The following PPM1E variants were observed in gnomAD, a reference collection of about 807,000 sequenced individuals.
PPM1E encodes the protein protein phosphatase 1E.
Under a neutral mutation model 65.9 loss-of-function variants are expected in PPM1E, and 20 were observed. That is an observed-to-expected ratio of 0.30 (90% CI 0.21 to 0.44). PPM1E has a LOEUF of 0.44. Among genes scored for constraint, PPM1E ranks in the 20% least tolerant of loss-of-function variants. PPM1E has a pLI of 1.00. For synonymous variants in PPM1E, 352 were observed against 374.9 expected (o/e 0.94, Z 0.70); for missense variants, 713 against 953.1 (o/e 0.75, Z 3.32).
In PPM1E at chr17:58,981,555, A is replaced by G. The variant is rs2031356212; in HGVS notation, c.*524A>G. ...GGGTAGGTAAAAGACTAAAAGCCAT[A>G]TGGATTTTAACTGATAACAATGAAA... is the stretch of plus-strand genomic sequence containing the variant. On this transcript the variant is annotated 3_prime_UTR_variant, in exon 7 of 7. Transcript: ENST00000308249. 6.5e-6 allele frequency: 1 copy of G among 152,794 alleles called. No homozygotes were observed. Among genetic ancestry groups the G allele is most frequent in the African/African-American group, 2.4e-5 (1 of 41,454 alleles). 9.5% of individuals were successfully genotyped at this position (152,794 alleles called of 1,614,324 possible).
At chr17:58,899,035 C>T (rs1335603434) in intron 1 of PPM1E, among the ~76,000 whole-genome samples, 1 of 151,822 alleles carries the variant, frequency 6.6e-6, no homozygotes, top group Non-Finnish European at 1.5e-5. Flanking sequence ...GGAGGGATAG[C>T]ATTAGGAGAA....
At chr17:58,907,654 C>T (rs551717580) in intron 1 of PPM1E, among the ~76,000 whole-genome samples, 4 of 152,204 alleles carry the variant, frequency 2.6e-5, no homozygotes, top group East Asian at 3.9e-4. Context: ...TTTTGCCTCA[C>T]GTATTTTGAT....
chr17:58,883,317 TTTTG>T (rs1467049476), intron 1 of PPM1E, among the ~76,000 whole-genome samples: 2 of 151,974 alleles, frequency 1.3e-5, no homozygotes, highest in African/African-American at 4.8e-5. Context: ...TTTTTAAAAG[TTTTG>T]TTTGTTACAG....
At chr17:58,965,496 G>T (rs543849970) in intron 2 of PPM1E, among the ~76,000 whole-genome samples, 198 bp from the exon 3 acceptor site, 6 of 152,264 alleles carry the variant, frequency 3.9e-5, no homozygotes, top group African/African-American at 1.4e-4. Context: ...AGTGGCAGCT[G>T]CAGGCTGATG....
intron 1 of PPM1E, among the ~76,000 whole-genome samples, chr17:58,781,569 A>G (rs2050049985): frequency 6.6e-6 from 1 of 152,106 alleles, no homozygotes. Context: ...ATATATTTGT[A>G]TGAGAAGTCT....
intron 1 of PPM1E, among the ~76,000 whole-genome samples, chr17:58,854,892 C>G (rs2050865904): frequency 1.3e-5 from 2 of 152,100 alleles, no homozygotes; most frequent in Non-Finnish European, 1.5e-5. Context: ...AACTGCTGCT[C>G]CCAAAATTGG....
intron 1 of PPM1E, among the ~76,000 whole-genome samples, chr17:58,880,387 A>T (rs2051181135): frequency 6.6e-6 from 1 of 152,158 alleles, no homozygotes; most frequent in Admixed American, 6.6e-5. Flanking sequence ...TGTTTTCTTG[A>T]AAGGATTAGG....
In PPM1E at chr17:58,814,343, A is replaced by G. The variant is rs371656012; in HGVS notation, c.464+57882A>G. Reference sequence around the variant, plus strand: ...CATAAGGTCAAACTATCAGTGTTTAATATTTACTCTGTAATAATTAACATT... The same window carrying G: ...CATAAGGTCAAACTATCAGTGTTTAGTATTTACTCTGTAATAATTAACATT... On this transcript the variant is annotated intron_variant, in intron 1 of 6. Transcript: ENST00000308249. Among the ~76,000 whole-genome samples, 4 of 152,296 alleles carry G rather than the reference A, an allele frequency of 2.6e-5. No homozygotes were observed. In the East Asian group the frequency reaches 7.7e-4, roughly 29 times the overall value.
rs567477910 is a variant in PPM1E at position 58,936,845 on chromosome 17, A to T, written c.465-18804A>T. Reference sequence around the variant, plus strand: ...GTTTTTATTCAGTAATAATCTATTTATCTGTTGTGGTTCCTGCTTTATAAC... The same window carrying T: ...GTTTTTATTCAGTAATAATCTATTTTTCTGTTGTGGTTCCTGCTTTATAAC... On this transcript the variant is annotated intron_variant, in intron 1 of 6. Transcript: ENST00000308249. Among the ~76,000 whole-genome samples, 219 of 152,340 alleles carry T rather than the reference A, an allele frequency of 1.4e-3. 1 individual carries two copies. The highest frequency in any genetic ancestry group is 5.1e-3 in the African/African-American group (213 of 41,572).
intron 1 of PPM1E, among the ~76,000 whole-genome samples, chr17:58,931,078 AAAAAAAAAG>A (rs1193451378): frequency 7.0e-6 from 1 of 142,744 alleles, no homozygotes; most frequent in Non-Finnish European, 1.5e-5. Context: ...AAAAAAAAAA[AAAAAAAAAG>A]AAAGAAAGAA....
At chr17:58,868,339 AC>A (rs2051028883) in intron 1 of PPM1E, among the ~76,000 whole-genome samples, 1 of 151,962 alleles carries the variant, frequency 6.6e-6, no homozygotes, top group South Asian at 2.1e-4. Flanking sequence ...AAAAACAAAA[AC>A]AACGTAGGCC....
At chr17:58,825,060 A>G (rs975852811) in intron 1 of PPM1E, among the ~76,000 whole-genome samples, 2 of 151,978 alleles carry the variant, frequency 1.3e-5, no homozygotes, top group African/African-American at 4.8e-5. Flanking sequence ...AAGACTACAA[A>G]TATGGAGCAG....
intron 6 of PPM1E, among the ~76,000 whole-genome samples, chr17:58,976,461 A>ACT (rs2031000066): frequency 6.6e-6 from 1 of 152,194 alleles, no homozygotes; most frequent in Non-Finnish European, 1.5e-5. Flanking sequence ...GGGGGCTGCA[A>ACT]AAGGACAAGA....
intron 1 of PPM1E, among the ~76,000 whole-genome samples, chr17:58,908,361 G>A (rs2051583475): frequency 6.6e-6 from 1 of 151,940 alleles, no homozygotes; most frequent in East Asian, 1.9e-4. Flanking sequence ...TTACAGGCAT[G>A]AGCCACCCGG....
rs757900792 is a variant in PPM1E at position 58,967,519 on chromosome 17, T to TAGAG, written c.783+1645_783+1648dup. On this transcript the variant is annotated intron_variant, in intron 3 of 6. Coordinates refer to ENST00000308249, the MANE Select transcript of PPM1E (RefSeq NM_014906.5). ...ATATATATGTGTATATATATATATATAGAGAGAGAGAGAGAGAGAGAGGGA... is the reference window on the plus strand; with the variant it reads ...ATATATATGTGTATATATATATATATAGAGAGAGAGAGAGAGAGAGAGAGAGGGA... 2.0e-3 allele frequency among the ~76,000 whole-genome samples: 294 copies of TAGAG among 145,166 alleles called. 1 individual carries two copies. The highest frequency in any genetic ancestry group is 6.8e-3 in the African/African-American group (260 of 38,074).
intron 1 of PPM1E, among the ~76,000 whole-genome samples, chr17:58,923,343 G>C (rs917164774): frequency 6.6e-6 from 1 of 150,776 alleles, no homozygotes; most frequent in African/African-American, 2.4e-5. Context: ...AAATGATGTG[G>C]TGGCACCACT....
intron 1 of PPM1E, among the ~76,000 whole-genome samples, chr17:58,843,884 A>G (rs1567851239): frequency 6.6e-6 from 1 of 152,216 alleles, no homozygotes; most frequent in African/African-American, 2.4e-5. Flanking sequence ...GGGAAATGGC[A>G]TATGAAAAAG....
Position 58,969,551 on chromosome 17 carries a change from C to T in PPM1E, c.796C>T (p.Gln266Ter). The T allele has an allele frequency of 6.2e-7, 1 of 1,614,182 alleles. No individual in the cohort carries two copies. Among genetic ancestry groups the T allele is most frequent in the Non-Finnish European group, 8.5e-7 (1 of 1,180,026 alleles). ...TTTCTGTTGACAGGACCAGGAAGAA[C>T]AAGCTTACTTTGCAGTGTTTGATGG... ...MLFNLEDQEE[Q>*]AYFAVFDGHG... Residue 266 changes from glutamine to a stop codon, truncating the protein, a stop_gained, in exon 4 of 7, where the codon CAA becomes TAA. Transcript: ENST00000308249. LOFTEE classifies it high-confidence loss of function.
chr17:58,907,168 C>T (rs1021741114), intron 1 of PPM1E, among the ~76,000 whole-genome samples: 6 of 152,088 alleles, frequency 3.9e-5, no homozygotes, highest in Non-Finnish European at 8.8e-5. Context: ...ATCGCTTGAA[C>T]CCAGGAGGCG....
Sources: allele counts gnomAD v4.1 joint callset (sites outside exome capture counted in the v4.1 genomes callset), GRCh38; gene constraint gnomAD v4.1.1; transcripts MANE v1.5; gene names NCBI Gene and HGNC (gene_info 2026-07-23, HGNC 2026-07-21).